LRRTM4: variants seen among roughly 807,000 people sequenced by gnomAD.
The protein encoded by LRRTM4 is leucine-rich repeat transmembrane neuronal protein 4.
In LRRTM4, 25 loss-of-function variants were observed where a neutral mutation model predicts 47.6. The ratio of observed to expected loss-of-function variants is 0.53; its 90% confidence interval spans 0.38 to 0.73. The LOEUF is 0.73. Ranked by LOEUF, LRRTM4 falls within the 30% of genes least tolerant of loss-of-function variation. The pLI is 0.00. For synonymous variants in LRRTM4, 311 were observed against 269.5 expected (o/e 1.15, Z -1.51); for missense variants, 638 against 713.4 (o/e 0.89, Z 1.20).
At chr2:76,850,697 A>C (rs1280662907) in intron 3 of LRRTM4, among the ~76,000 whole-genome samples, 1 of 152,190 alleles carries the variant, frequency 6.6e-6, no homozygotes, top group African/African-American at 2.4e-5. Flanking sequence ...CTATGTCACC[A>C]TGCCATCTGA....
At chr2:77,421,662 A>C (rs572732518) in intron 3 of LRRTM4, among the ~76,000 whole-genome samples, 16 of 151,946 alleles carry the variant, frequency 1.1e-4, no homozygotes, top group East Asian at 9.7e-4. Flanking sequence ...AGCCGAGATC[A>C]CACCACTGCA....
intron 3 of LRRTM4, among the ~76,000 whole-genome samples, chr2:76,857,320 A>C (rs1199802236): frequency 6.8e-6 from 1 of 147,968 alleles, no homozygotes; most frequent in Non-Finnish European, 1.5e-5. Flanking sequence ...ATATATATAT[A>C]ATATATATAT....
intron 3 of LRRTM4, among the ~76,000 whole-genome samples, chr2:76,908,587 G>GA (rs1251627915): frequency 6.6e-6 from 1 of 152,038 alleles, no homozygotes; most frequent in African/African-American, 2.4e-5. Context: ...TGTATATCTA[G>GA]AAAACCCCAT....
chr2:76,767,112 C>T (rs546873548), intron 3 of LRRTM4, among the ~76,000 whole-genome samples: 3 of 152,192 alleles, frequency 2.0e-5, no homozygotes, highest in Non-Finnish European at 4.4e-5. Context: ...CCCCTTAACA[C>T]TACTCCTATT....
At chr2:76,935,783 C>T (rs1674925378) in intron 3 of LRRTM4, among the ~76,000 whole-genome samples, 3 of 152,138 alleles carry the variant, frequency 2.0e-5, no homozygotes, top group South Asian at 2.1e-4. Flanking sequence ...ATCTTGTCTT[C>T]TACAAACAGA....
chr2:77,043,063 C>T (rs999447942), intron 3 of LRRTM4, among the ~76,000 whole-genome samples: 4 of 151,730 alleles, frequency 2.6e-5, no homozygotes, highest in African/African-American at 4.8e-5. Flanking sequence ...TCCATGGTTT[C>T]GTTAGGCCTA....
At chr2:77,159,537 G>T (rs1389348324) in intron 3 of LRRTM4, among the ~76,000 whole-genome samples, 2 of 141,150 alleles carry the variant, frequency 1.4e-5, no homozygotes, top group African/African-American at 2.6e-5. Flanking sequence ...AAAAAAAAAA[G>T]AAAAAAAAAG....
intron 3 of LRRTM4, among the ~76,000 whole-genome samples, chr2:77,262,292 C>A (rs1302403831): frequency 1.3e-5 from 2 of 151,992 alleles, no homozygotes; most frequent in Admixed American, 6.6e-5. Context: ...ATCCCAAAAC[C>A]ATTCCCCCAC....
chr2:77,376,133 C>A (rs915177875), intron 3 of LRRTM4, among the ~76,000 whole-genome samples: 1 of 151,690 alleles, frequency 6.6e-6, no homozygotes, highest in Non-Finnish European at 1.5e-5. Context: ...AATAGCTCTA[C>A]CTATTGTGTT....
chr2:76,909,091 C>G (rs1213155113), intron 3 of LRRTM4, among the ~76,000 whole-genome samples: 2 of 152,178 alleles, frequency 1.3e-5, no homozygotes, highest in African/African-American at 2.4e-5. Context: ...TGACTTCAAA[C>G]TATACTACAA....
rs184019768 is a variant in LRRTM4, at chr2:77,282,727, A to G, written c.1551+235591T>C. On this transcript the variant is annotated intron_variant, in intron 3 of 3. Transcript: ENST00000409884. ...CATCTAATTTTTTACAAAGTCAACA[A>G]AAATAAGCAATGGGGAAAGGACTCC... Among the ~76,000 whole-genome samples, 17 of 152,164 alleles carry G rather than the reference A, an allele frequency of 1.1e-4. No homozygotes were observed. The East Asian group carries it at 2.1e-3, about 19-fold the overall frequency.
intron 3 of LRRTM4, among the ~76,000 whole-genome samples, chr2:77,008,653 G>C (rs1200260166): frequency 6.6e-6 from 1 of 152,050 alleles, no homozygotes; most frequent in East Asian, 1.9e-4. Context: ...CTTTCTTGTT[G>C]AGGTGTGTTT....
At chr2:77,285,162 A>T (rs991335180) in intron 3 of LRRTM4, among the ~76,000 whole-genome samples, 2 of 151,408 alleles carry the variant, frequency 1.3e-5, no homozygotes, top group Non-Finnish European at 2.9e-5. Flanking sequence ...CTGCTCTTTC[A>T]TTTTCTTGCA....
chr2:76,827,755 A>G (rs1354837602), intron 3 of LRRTM4, among the ~76,000 whole-genome samples: 1 of 151,832 alleles, frequency 6.6e-6, no homozygotes, highest in African/African-American at 2.4e-5. Context: ...GGCAATGCCA[A>G]TACCTATCAA....
At chr2:77,411,618 A>ATTTTTTTT (rs1222177148) in intron 3 of LRRTM4, among the ~76,000 whole-genome samples, 54 of 64,778 alleles carry the variant, frequency 8.3e-4, no homozygotes, top group Admixed American at 1.2e-3. Flanking sequence ...ATGCCCGGCT[A>ATTTTTTTT]TTTTTTTTTT....
At chr2:76,791,764 T>C (rs923239538) in intron 3 of LRRTM4, among the ~76,000 whole-genome samples, 1 of 152,182 alleles carries the variant, frequency 6.6e-6, no homozygotes, top group Non-Finnish European at 1.5e-5. Context: ...ATACAGCAGA[T>C]AGGCTGCAGG....
intron 3 of LRRTM4, among the ~76,000 whole-genome samples, chr2:76,905,078 A>T (rs1204529663): frequency 6.6e-6 from 1 of 152,142 alleles, no homozygotes; most frequent in East Asian, 1.9e-4. Flanking sequence ...ACCACTGAGC[A>T]GCCTAACTAG....
chr2:77,390,716 T>C (rs1673468853), intron 3 of LRRTM4, among the ~76,000 whole-genome samples: 1 of 151,558 alleles, frequency 6.6e-6, no homozygotes, highest in African/African-American at 2.4e-5. Context: ...AAATTAAAAT[T>C]GAGAGGCCAA....
chr2:76,814,806 TACACACACACAC>T lies in LRRTM4; in HGVS notation c.1552-65902_1552-65891del, dbSNP rs111468624. ...AATGGCTTCAAGATACACACACACA[TACACACACACAC>T]ACACACACACACACACAAAAGCATA... is the stretch of plus-strand genomic sequence containing the variant. On this transcript the variant is annotated intron_variant, in intron 3 of 3. Coordinates refer to ENST00000409884, the MANE Select transcript of LRRTM4 (RefSeq NM_001134745.3). 5.7e-3 allele frequency among the ~76,000 whole-genome samples: 302 copies of T among 52,660 alleles called. 2 individuals carry two copies. The highest frequency in any genetic ancestry group is 0.019 in the African/African-American group (269 of 13,808). 34.5% of individuals were successfully genotyped at this position (52,660 alleles called of 152,430 possible). A position where few individuals can be genotyped will look rare whatever the true frequency, so the allele number is the denominator to read the frequency against.
Sources: gnomAD v4.1 joint callset for allele counts (sites outside exome capture counted in the v4.1 genomes callset) on GRCh38, gnomAD v4.1.1 for gene constraint, MANE v1.5 for transcripts, NCBI Gene and HGNC (gene_info 2026-07-23, HGNC 2026-07-21) for gene names.